Variants in PTPN22 observed in about 807,000 individuals in gnomAD.
PTPN22 encodes protein tyrosine phosphatase non-receptor type 22.
PTPN22 carries 85 observed loss-of-function variants against 103.3 expected under a neutral mutation model. The observed-to-expected ratio is 0.82, with a 90% CI of 0.69 to 0.99. PTPN22 has a LOEUF of 0.99. Among genes scored for constraint, PTPN22 ranks in the 50% least tolerant of loss-of-function variants. PTPN22 has a pLI of 0.00. For synonymous variants in PTPN22, 323 were observed against 310.2 expected (o/e 1.04, Z -0.43); for missense variants, 865 against 936.9 (o/e 0.92, Z 1.00).
chr1:113,848,247 T>C (rs1199886830), intron 11 of PTPN22, among the ~76,000 whole-genome samples: 1 of 151,720 alleles, frequency 6.6e-6, no homozygotes, highest in African/African-American at 2.4e-5. Flanking sequence ...GGGTTCACCA[T>C]GTTGGCCAGG....
intron 1 of PTPN22, among the ~76,000 whole-genome samples, chr1:113,869,448 G>A (rs1666393579): frequency 6.6e-6 from 1 of 151,314 alleles, no homozygotes; most frequent in Non-Finnish European, 1.5e-5. Flanking sequence ...AGGCTGGAGT[G>A]CAACAGCTCT....
At chr1:113,837,678 G>A (rs74163658) in exon 13 of PTPN22, 25 of 1,602,504 alleles carry the variant, frequency 1.6e-5, no homozygotes, top group African/African-American at 2.7e-5. Flanking sequence ...AATAAGAGAA[G>A]AGGGATGTAG....
intron 11 of PTPN22, among the ~76,000 whole-genome samples, chr1:113,840,243 A>G (rs1034675613): frequency 6.6e-6 from 1 of 151,586 alleles, no homozygotes; most frequent in African/African-American, 2.4e-5. Flanking sequence ...AAAAATTGGA[A>G]AAAAAGGAAG....
chr1:113,857,908 T>G, intron 4 of PTPN22, 132 bp from the exon 5 acceptor site: 1 of 723,008 alleles, frequency 1.4e-6, no homozygotes, highest in Non-Finnish European at 2.3e-6. Context: ...AACCAAAAAA[T>G]AAATCCTGGT....
intron 11 of PTPN22, among the ~76,000 whole-genome samples, chr1:113,843,613 C>T (rs1343776468): frequency 6.6e-6 from 1 of 152,090 alleles, no homozygotes; most frequent in Non-Finnish European, 1.5e-5. Context: ...GTGATAGTCA[C>T]TCAACATTGT....
intron 2 of PTPN22, 69 bp downstream of exon 2, chr1:113,859,283 G>A: frequency 1.9e-6 from 3 of 1,543,150 alleles, no homozygotes; most frequent in Non-Finnish European, 2.7e-6. Flanking sequence ...AGTAAGCAAT[G>A]GGTACAAAGA....
chr1:113,815,891 C>T (rs1661107469), intron 20 of PTPN22, among the ~76,000 whole-genome samples: 1 of 152,146 alleles, frequency 6.6e-6, no homozygotes, highest in South Asian at 2.1e-4. Context: ...GTTGGCCAGG[C>T]TGGTCTCAAA....
At chr1:113,833,213 C>A in intron 15 of PTPN22, 75 bp from the exon 16 acceptor site, 1 of 1,160,970 alleles carries the variant, frequency 8.6e-7, no homozygotes, top group Non-Finnish European at 1.2e-6. Flanking sequence ...CAAAAAATGG[C>A]ATTTTTGAAC....
chr1:113,832,458 G>A (rs1001268153), intron 16 of PTPN22, among the ~76,000 whole-genome samples: 9 of 152,172 alleles, frequency 5.9e-5, no homozygotes, highest in Non-Finnish European at 1.2e-4. Context: ...GATTACAGGT[G>A]TGAGCCACTG....
intron 10 of PTPN22, among the ~76,000 whole-genome samples, chr1:113,850,200 A>AGAAG (rs71090741): frequency 0.044 from 3,453 of 77,786 alleles, 114 homozygotes; most frequent in Middle Eastern, 0.052. Context: ...CCATCTCAAA[A>AGAAG]GAAGGAAGGA....
intron 11 of PTPN22, among the ~76,000 whole-genome samples, chr1:113,843,384 C>T (rs1663778278): frequency 6.6e-6 from 1 of 151,990 alleles, no homozygotes; most frequent in Non-Finnish European, 1.5e-5. Context: ...CACGTTACAA[C>T]ATGGATGAAC....
At chr1:113,816,230 T>C (rs1661133976) in intron 20 of PTPN22, among the ~76,000 whole-genome samples, 1 of 151,988 alleles carries the variant, frequency 6.6e-6, no homozygotes, top group Non-Finnish European at 1.5e-5. Flanking sequence ...TCCCACACTT[T>C]GGGAGGCCAA....
chr1:113,871,058 A>C (rs555400984), intron 1 of PTPN22, among the ~76,000 whole-genome samples: 27 of 152,078 alleles, frequency 1.8e-4, no homozygotes, highest in Non-Finnish European at 3.7e-4. Context: ...ACAACAACAA[A>C]AAAAACTGTG....
chr1:113,813,867 A>G (rs1389324459), exon 21 of PTPN22: 1 of 152,328 alleles, frequency 6.6e-6, no homozygotes, highest in Non-Finnish European at 1.5e-5. Flanking sequence ...GTACTACAAG[A>G]GACAGATAAT....
exon 13 of PTPN22, chr1:113,838,360 T>G: frequency 6.3e-7 from 1 of 1,595,820 alleles, no homozygotes; most frequent in East Asian, 2.2e-5. Context: ...TTCTTTGATT[T>G]CCATTTTTGT....
At chr1:113,863,442 A>G (rs749739465) in intron 1 of PTPN22, among the ~76,000 whole-genome samples, 1 of 152,204 alleles carries the variant, frequency 6.6e-6, no homozygotes, top group Non-Finnish European at 1.5e-5. Flanking sequence ...GTAGGACTAG[A>G]TGGTCCCTAG....
At position 113,815,726 on chromosome 1, in the gene PTPN22, TGGAG is replaced by T. The variant is rs1661094038; in HGVS notation, c.2360-761_2360-758del. 3.3e-5 allele frequency among the ~76,000 whole-genome samples: 5 copies of T among 152,364 alleles called. No homozygotes were observed. In the South Asian group the frequency reaches 1.0e-3, roughly 32 times the overall value. The stretch of plus-strand genomic sequence containing the variant: ...CAGAGTCTTGCTCTGTCGCCCAGGC[TGGAG>T]TGCAGTGGCGCGATCTCGGCCCACT... On this transcript the variant is annotated intron_variant, in intron 20 of 20. Coordinates refer to ENST00000359785, the Ensembl canonical transcript of PTPN22.
chr1:113,836,727 AG>A (rs1479877964), intron 13 of PTPN22, among the ~76,000 whole-genome samples: 1 of 151,894 alleles, frequency 6.6e-6, no homozygotes, highest in Non-Finnish European at 1.5e-5. Context: ...CAGATTTTCA[AG>A]ACCAGGCTGG....
intron 11 of PTPN22, among the ~76,000 whole-genome samples, chr1:113,845,686 G>A (rs1664000284): frequency 6.6e-6 from 1 of 152,050 alleles, no homozygotes. Context: ...TATCCTTGCT[G>A]GTTTTCTGTC....
Sources: gnomAD v4.1 joint callset for allele counts (sites outside exome capture counted in the v4.1 genomes callset) on GRCh38, gnomAD v4.1.1 for gene constraint, MANE v1.5 for transcripts, NCBI Gene and HGNC (gene_info 2026-07-23, HGNC 2026-07-21) for gene names.